Variants in PAN3 observed in about 807,000 individuals in gnomAD.
PAN3 encodes poly(A) specific ribonuclease subunit PAN3, also known as PAN2-PAN3 deadenylation complex subunit PAN3.
PAN3 carries 19 observed loss-of-function variants against 96.2 expected under a neutral mutation model. The ratio of observed to expected loss-of-function variants is 0.20; its 90% CI spans 0.14 to 0.29. The LOEUF is 0.29. Ranked by LOEUF, PAN3 falls within the 10% of genes least tolerant of loss-of-function variation. The pLI, the probability that PAN3 is intolerant of heterozygous loss-of-function variation, is 1.00. For missense variants in PAN3, 882 were observed against 1,108.1 expected (o/e 0.80, Z 2.90); for synonymous variants, 433 against 406.6 (o/e 1.06, Z -0.78).
At position 28,215,080 on chromosome 13, in the gene PAN3, C is replaced by A. The variant is rs930763026; in HGVS notation, c.853-5151C>A. On this transcript the variant is annotated intron_variant, in intron 5 of 18. Coordinates refer to ENST00000380958, the MANE Select transcript of PAN3 (RefSeq NM_175854.8). ...ATTGGCTACAATCCTGACACAGTAG[C>A]ATTTGTGCCATTTGCTGGTTGGAAT... The A allele has an allele frequency of 2.6e-5, 23 of 899,294 alleles. No individual in the cohort carries two copies. In the African/African-American group the frequency reaches 3.1e-4, roughly 12 times the overall value. The allele number at this position is 899,294 out of a possible 1,614,324, so 55.7% of individuals were successfully genotyped here.
intron 4 of PAN3, among the ~76,000 whole-genome samples, chr13:28,187,800 C>G (rs1876683941): frequency 6.6e-6 from 1 of 152,156 alleles, no homozygotes. Flanking sequence ...TCAAGTGATC[C>G]TCCTGTCTCA....
intron 5 of PAN3, among the ~76,000 whole-genome samples, chr13:28,209,317 A>G (rs1383811137): frequency 6.6e-6 from 1 of 152,204 alleles, no homozygotes; most frequent in Non-Finnish European, 1.5e-5. Flanking sequence ...CTTGTCTGAT[A>G]TATTTTAGTG....
At chr13:28,250,761 C>T (rs774652757) in intron 6 of PAN3, among the ~76,000 whole-genome samples, 1 of 152,218 alleles carries the variant, frequency 6.6e-6, no homozygotes, top group African/African-American at 2.4e-5. Flanking sequence ...GCGTCAGCCT[C>T]CCAAAATGCT....
At chr13:28,211,388 A>G (rs1880010938) in intron 5 of PAN3, among the ~76,000 whole-genome samples, 1 of 152,236 alleles carries the variant, frequency 6.6e-6, no homozygotes, top group Non-Finnish European at 1.5e-5. Context: ...ATATTTATGT[A>G]AAATAGACTG....
intron 4 of PAN3, among the ~76,000 whole-genome samples, chr13:28,180,482 T>C (rs1445154746): frequency 6.6e-6 from 1 of 152,182 alleles, no homozygotes; most frequent in African/African-American, 2.4e-5. Context: ...GGCATAGGAG[T>C]ATGACATATT....
In PAN3 at chr13:28,280,553, A is replaced by G. The variant is rs1349904038; in HGVS notation, c.2319+12A>G. The G allele has an allele frequency of 6.8e-7, 1 of 1,470,496 alleles. No homozygotes were observed. The highest frequency in any genetic ancestry group is 1.4e-5 in the South Asian group (1 of 74,066). The allele number at this position is 1,470,496 out of a possible 1,614,324, so 91.1% of individuals were successfully genotyped here. A position where few individuals can be genotyped will look rare whatever the true frequency, so the allele number is the denominator to read the frequency against. On this transcript the variant is annotated intron_variant, in intron 16 of 18. Transcript: ENST00000380958. Reference sequence around the variant, plus strand: ...AAGACCTTGCAAAGGTAAAGAGTGTAAATTTTTTTTTTTTTTTTTTTTTTT... The same window carrying G: ...AAGACCTTGCAAAGGTAAAGAGTGTGAATTTTTTTTTTTTTTTTTTTTTTT...
intron 18 of PAN3, among the ~76,000 whole-genome samples, chr13:28,290,019 T>G (rs1302772268): frequency 3.9e-5 from 6 of 152,288 alleles, no homozygotes; most frequent in Non-Finnish European, 8.8e-5. Context: ...TATAGGTTTA[T>G]GTATAAACCA....
intron 12 of PAN3, among the ~76,000 whole-genome samples, chr13:28,269,521 C>T (rs1406725710): frequency 3.3e-5 from 5 of 151,422 alleles, no homozygotes; most frequent in African/African-American, 1.2e-4. Context: ...AGAAGAATAG[C>T]ATACCATGTG....
chr13:28,240,979 G>A (rs1883606061), intron 6 of PAN3, among the ~76,000 whole-genome samples: 1 of 152,144 alleles, frequency 6.6e-6, no homozygotes, highest in Admixed American at 6.5e-5. Context: ...TTCCTTTTCG[G>A]CCGGATGTGG....
At position 28,286,601 on chromosome 13, in the gene PAN3, G is replaced by A. The variant is rs536275993; in HGVS notation, c.2385-1383G>A. Among the ~76,000 whole-genome samples, 184 of 152,228 alleles carry A rather than the reference G, an allele frequency of 1.2e-3. 2 individuals are homozygous for A. The South Asian group carries it at 0.037, about 31-fold the overall frequency. On this transcript the variant is annotated intron_variant, in intron 17 of 18. Transcript: ENST00000380958. Reference sequence around the variant, plus strand: ...TAGAATTAGGGTTCAGTTTTGTCAGGTCTACTAAGTCATCCCACTTACCTA... The same window carrying A: ...TAGAATTAGGGTTCAGTTTTGTCAGATCTACTAAGTCATCCCACTTACCTA...
At chr13:28,242,659 G>A (rs1297803105) in intron 6 of PAN3, among the ~76,000 whole-genome samples, 1 of 152,200 alleles carries the variant, frequency 6.6e-6, no homozygotes, top group Non-Finnish European at 1.5e-5. Context: ...GGCTGTTGAT[G>A]TATGAGAGGA....
At chr13:28,215,389 A>G (rs948337629) in intron 5 of PAN3, 2 of 746,754 alleles carry the variant, frequency 2.7e-6, no homozygotes, top group Non-Finnish European at 5.0e-6. Flanking sequence ...GTCTATTGAA[A>G]TGCACCATGG....
At position 28,177,915 on chromosome 13, in the gene PAN3, A is replaced by G. The variant is rs764692407; in HGVS notation, c.670A>G (p.Asn224Asp). The G allele has an allele frequency of 3.1e-6, 5 of 1,611,336 alleles. No individual in the cohort carries two copies. The African/African-American group carries it at 5.3e-5, about 17-fold the overall frequency. The change falls in exon 4 of 19, where the codon AAC becomes GAC. Residue 224 changes from asparagine to aspartate, a missense_variant. Physicochemically the swap from Asn to Asp is conservative, Grantham distance 23. Around this residue, in one of 3 missense-constraint regions of PAN3, gnomAD observed 442 missense variants for 422.8 expected, o/e 1.05. Transcript: ENST00000380958. ...SSLFNDFGALNISQRRKPRKY... is the reference protein window; with the variant it reads ...SSLFNDFGALDISQRRKPRKY... ...CTTGTTTAATGACTTTGGTGCCCTC[A>G]ACATCTCTCAGAGACGAAAGGTAGG... is the stretch of plus-strand genomic sequence containing the variant.
intron 1 of PAN3, among the ~76,000 whole-genome samples, chr13:28,164,468 A>G (rs74374932): frequency 0.015 from 2,289 of 152,326 alleles, 47 homozygotes; most frequent in African/African-American, 0.052. Flanking sequence ...CATCGCCAGC[A>G]TCTTCTCTGT....
chr13:28,182,675 T>C (rs878953268), intron 4 of PAN3, among the ~76,000 whole-genome samples: 1 of 152,200 alleles, frequency 6.6e-6, no homozygotes, highest in Admixed American at 6.5e-5. Context: ...GGCTGGTTCG[T>C]CTGCTGATAG....
chr13:28,233,070 G>A (rs1447879045), intron 6 of PAN3, among the ~76,000 whole-genome samples: 2 of 151,890 alleles, frequency 1.3e-5, no homozygotes, highest in East Asian at 3.9e-4. Context: ...ACTAGAATAC[G>A]AAAATTTTAA....
chr13:28,287,042 G>A (rs542405817), intron 17 of PAN3, among the ~76,000 whole-genome samples: 96 of 151,588 alleles, frequency 6.3e-4, no homozygotes, highest in African/African-American at 2.3e-3. Context: ...CTCCCTCTCC[G>A]TGTATTCTGT....
chr13:28,176,710 G>A, intron 3 of PAN3, 151 bp downstream of exon 3: 1 of 786,886 alleles, frequency 1.3e-6, no homozygotes, highest in Non-Finnish European at 2.0e-6. Flanking sequence ...TCTAACTATT[G>A]AGATTTAGAT....
intron 4 of PAN3, among the ~76,000 whole-genome samples, chr13:28,179,737 G>A (rs1294484473): frequency 1.3e-5 from 2 of 151,464 alleles, no homozygotes; most frequent in African/African-American, 2.4e-5. Flanking sequence ...TTAATAACTA[G>A]CATTTCAGAC....
Sources: gnomAD v4.1 joint callset for allele counts (sites outside exome capture counted in the v4.1 genomes callset) on GRCh38, gnomAD v4.1.1 for gene constraint, gnomAD v4.1.1 regional missense constraint, MANE v1.5 for transcripts, NCBI Gene and HGNC (gene_info 2026-07-23, HGNC 2026-07-21) for gene names.